SEMA5A: variants seen among roughly 807,000 people sequenced by gnomAD.
The protein encoded by SEMA5A is semaphorin-5A.
Under a neutral mutation model 135.5 loss-of-function variants are expected in SEMA5A, and 55 were observed. The ratio of observed to expected loss-of-function variants is 0.41; its 90% confidence interval spans 0.33 to 0.51. The LOEUF is 0.51. SEMA5A is among the 20% of genes least tolerant of loss of function. The probability of loss-of-function intolerance (pLI) is 0.37; values close to 1 mark genes in which losing one functional copy is unlikely to be tolerated. For synonymous variants in SEMA5A, 580 were observed against 546.5 expected (o/e 1.06, Z -0.85); for missense variants, 1,290 against 1,419.9 (o/e 0.91, Z 1.47).
chr5:9,425,788 A>T (rs1304698015), intron 2 of SEMA5A, among the ~76,000 whole-genome samples: 1 of 152,202 alleles, frequency 6.6e-6, no homozygotes, highest in African/African-American at 2.4e-5. Flanking sequence ...TTGTTTTATA[A>T]TTCTTTTCTG....
chr5:9,316,706 C>G (rs1752407991), intron 5 of SEMA5A, among the ~76,000 whole-genome samples: 1 of 151,874 alleles, frequency 6.6e-6, no homozygotes, highest in Non-Finnish European at 1.5e-5. Context: ...TACAACATGT[C>G]ACTTTGATAT....
intron 15 of SEMA5A, among the ~76,000 whole-genome samples, chr5:9,109,563 C>T (rs1230288858): frequency 2.0e-5 from 3 of 152,246 alleles, no homozygotes; most frequent in East Asian, 1.9e-4. Context: ...CTAGAATGCA[C>T]AACTTTTTCT....
intron 5 of SEMA5A, among the ~76,000 whole-genome samples, chr5:9,252,558 G>C (rs1748853767): frequency 6.6e-6 from 1 of 152,142 alleles, no homozygotes; most frequent in Admixed American, 6.6e-5. Context: ...TATTTCCTAA[G>C]CGAGTTTATA....
chr5:9,202,381 T>TC, intron 8 of SEMA5A, 141 bp from the exon 9 acceptor site: 15 of 641,756 alleles, frequency 2.3e-5, no homozygotes, highest in South Asian at 6.3e-5. Context: ...GGAGGCCCCG[T>TC]GAGCAGCTTA....
chr5:9,346,986 A>G (rs981201965), intron 3 of SEMA5A, among the ~76,000 whole-genome samples: 5 of 152,148 alleles, frequency 3.3e-5, no homozygotes, highest in Admixed American at 1.3e-4. Flanking sequence ...ACTACAGTAG[A>G]AAGAAAAAAA....
At chr5:9,222,552 C>T (rs187183764) in intron 8 of SEMA5A, among the ~76,000 whole-genome samples, 57 of 152,238 alleles carry the variant, frequency 3.7e-4, no homozygotes, top group Non-Finnish European at 8.8e-5. Context: ...ATTGTGCTGC[C>T]CTTGTGGCCT....
At chr5:9,194,882 T>C (rs1305825824) in intron 10 of SEMA5A, among the ~76,000 whole-genome samples, 1 of 152,174 alleles carries the variant, frequency 6.6e-6, no homozygotes, top group Non-Finnish European at 1.5e-5. Flanking sequence ...GAAATGAGAT[T>C]TGCTGTGTGC....
intron 8 of SEMA5A, among the ~76,000 whole-genome samples, chr5:9,213,640 A>G (rs1746464058): frequency 6.6e-6 from 1 of 152,196 alleles, no homozygotes; most frequent in African/African-American, 2.4e-5. Flanking sequence ...TTGTGAATAA[A>G]GTTTTATTAG....
At chr5:9,330,705 T>G (rs1753093088) in intron 4 of SEMA5A, among the ~76,000 whole-genome samples, 1 of 151,984 alleles carries the variant, frequency 6.6e-6, no homozygotes, top group South Asian at 2.1e-4. Flanking sequence ...ATTAATCAAA[T>G]AAGCGAATTA....
Position 9,451,148 on chromosome 5 carries a change from C to A in SEMA5A, c.-174-13296G>T, listed in dbSNP as rs1758628727. Among the ~76,000 whole-genome samples, 5 of 152,332 alleles carry A rather than the reference C, an allele frequency of 3.3e-5. No homozygotes were observed. The South Asian group carries it at 6.2e-4, about 19-fold the overall frequency. The stretch of plus-strand genomic sequence containing the variant: ...GGCTGTTGTCGGTTACGCTTCTCAT[C>A]TATATCCTCTCTCAGATCAGCAGAC... On this transcript the variant is annotated intron_variant, in intron 1 of 22. Coordinates refer to ENST00000382496, the MANE Select transcript of SEMA5A (RefSeq NM_003966.3).
chr5:9,312,064 T>C (rs1752162929), intron 5 of SEMA5A, among the ~76,000 whole-genome samples: 1 of 152,160 alleles, frequency 6.6e-6, no homozygotes, highest in Non-Finnish European at 1.5e-5. Context: ...TTTTTTGAAC[T>C]CTGTTCAGTG....
At chr5:9,497,034 G>A (rs1490456260) in intron 1 of SEMA5A, among the ~76,000 whole-genome samples, 2 of 152,144 alleles carry the variant, frequency 1.3e-5, no homozygotes, top group African/African-American at 4.8e-5. Context: ...TAGTTAATCT[G>A]GTACAGTCTT....
chr5:9,504,451 C>T (rs924443499), intron 1 of SEMA5A, among the ~76,000 whole-genome samples: 2 of 152,142 alleles, frequency 1.3e-5, no homozygotes, highest in Non-Finnish European at 2.9e-5. Context: ...CAGAAGTAAG[C>T]AGGGCAAAGT....
intron 5 of SEMA5A, among the ~76,000 whole-genome samples, chr5:9,246,596 T>C (rs1287994976): frequency 1.3e-5 from 2 of 152,176 alleles, no homozygotes; most frequent in Admixed American, 1.3e-4. Context: ...ATTCTGCATA[T>C]GTAGAGATAT....
At chr5:9,359,360 C>T (rs147383533) in intron 3 of SEMA5A, among the ~76,000 whole-genome samples, 1 of 152,296 alleles carries the variant, frequency 6.6e-6, no homozygotes, top group East Asian at 1.9e-4. Flanking sequence ...GTATGTAAGG[C>T]ACTCAGTAAG....
At chr5:9,249,797 C>G (rs1748679299) in intron 5 of SEMA5A, among the ~76,000 whole-genome samples, 1 of 152,148 alleles carries the variant, frequency 6.6e-6, no homozygotes, top group East Asian at 1.9e-4. Flanking sequence ...AGCAATTGAC[C>G]AGTGAGTGAA....
At chr5:9,450,561 T>A (rs535099147) in intron 1 of SEMA5A, among the ~76,000 whole-genome samples, 49 of 152,206 alleles carry the variant, frequency 3.2e-4, no homozygotes, top group Non-Finnish European at 5.1e-4. Context: ...CCTGAAAGCA[T>A]CTCCCTTGCT....
intron 5 of SEMA5A, among the ~76,000 whole-genome samples, chr5:9,256,420 G>A (rs1031355543): frequency 1.3e-5 from 2 of 151,996 alleles, no homozygotes; most frequent in African/African-American, 4.8e-5. Flanking sequence ...TGTATTCACT[G>A]AGCTCTCTTT....
intron 8 of SEMA5A, 73 bp downstream of exon 8, chr5:9,224,601 T>A: frequency 7.5e-7 from 1 of 1,338,302 alleles, no homozygotes; most frequent in Non-Finnish European, 1.1e-6. Flanking sequence ...GTGTTGTAGT[T>A]TGCTTTTGAG....
Sources: gnomAD v4.1 joint callset for allele counts (sites outside exome capture counted in the v4.1 genomes callset) on GRCh38, gnomAD v4.1.1 for gene constraint, MANE v1.5 for transcripts, NCBI Gene and HGNC (gene_info 2026-07-23, HGNC 2026-07-21) for gene names.